The following TRIQK variants were observed in gnomAD, a reference collection of about 807,000 sequenced individuals.
TRIQK encodes triple QxxK/R motif-containing protein.
A neutral mutation model predicts 10.8 loss-of-function variants in TRIQK; 10 were observed. The ratio of observed to expected loss-of-function variants is 0.92; its 90% confidence interval spans 0.57 to 1.57. The LOEUF is 1.57. TRIQK is among the 40% of genes most tolerant of loss of function. TRIQK has a pLI of 0.00. For missense variants in TRIQK, 107 were observed against 97.7 expected, an observed-to-expected ratio of 1.09 and a Z score of -0.40; for synonymous variants, 33 against 33.7, an observed-to-expected ratio of 0.98 and a Z score of 0.07.
intron 1 of TRIQK, among the ~76,000 whole-genome samples, chr8:92,986,679 T>C (rs1813037055): frequency 6.6e-6 from 1 of 152,190 alleles, no homozygotes; most frequent in African/African-American, 2.4e-5. Context: ...CATTTAGTTC[T>C]ACTTTCTTAT....
intron 3 of TRIQK, among the ~76,000 whole-genome samples, chr8:92,911,148 G>T (rs1809546562): frequency 6.6e-6 from 1 of 151,230 alleles, no homozygotes; most frequent in Admixed American, 6.6e-5. Flanking sequence ...TGGAGCTTTT[G>T]AATGTTATTA....
intron 2 of TRIQK, among the ~76,000 whole-genome samples, chr8:92,946,237 T>G (rs749700073): frequency 5.3e-5 from 8 of 152,050 alleles, no homozygotes; most frequent in Admixed American, 2.0e-4. Flanking sequence ...ATGTTTAAAA[T>G]CAAACATCAC....
chr8:92,890,104 A>G (rs1201220647), intron 4 of TRIQK, among the ~76,000 whole-genome samples: 1 of 151,780 alleles, frequency 6.6e-6, no homozygotes, highest in East Asian at 1.9e-4. Flanking sequence ...GGGGAAATTA[A>G]AAAGCATTAA....
intron 4 of TRIQK, chr8:92,886,955 G>C (rs916184561): frequency 6.4e-6 from 2 of 314,402 alleles, no homozygotes; most frequent in East Asian, 5.5e-5. Flanking sequence ...TGAGTCATTA[G>C]TATTATTATT....
chr8:93,013,554 A>AT (rs1563457366), intron 1 of TRIQK, among the ~76,000 whole-genome samples: 1 of 152,188 alleles, frequency 6.6e-6, no homozygotes, highest in African/African-American at 2.4e-5. Context: ...TTCAGTAATG[A>AT]TTTTATTATG....
intron 3 of TRIQK, among the ~76,000 whole-genome samples, chr8:92,909,338 A>C (rs1165104508): frequency 6.6e-6 from 1 of 151,954 alleles, no homozygotes; most frequent in Non-Finnish European, 1.5e-5. Context: ...CATTTAATAA[A>C]TCGTGCAAAG....
At chr8:92,975,034 G>A (rs1563670979) in intron 1 of TRIQK, among the ~76,000 whole-genome samples, 1 of 152,144 alleles carries the variant, frequency 6.6e-6, no homozygotes, top group Non-Finnish European at 1.5e-5. Context: ...TTTCTGGCAG[G>A]CCTGGCTCTC....
At position 92,907,566 on chromosome 8, in the gene TRIQK, A is replaced by G. The variant is rs558654566; in HGVS notation, c.61+9363T>C. On this transcript the variant is annotated intron_variant, in intron 3 of 4. Coordinates refer to ENST00000521988, the MANE Select transcript of TRIQK (RefSeq NM_001171797.2). The stretch of plus-strand genomic sequence containing the variant: ...TTATTAAAAAGTAAACATTAATATA[A>G]AAGAATTTTCAAATTATTTCTGGAG... Among the ~76,000 whole-genome samples the G allele has an allele frequency of 4.5e-4, 69 of 152,346 alleles. 1 individual carries two copies. In the South Asian group the frequency reaches 0.014, roughly 31 times the overall value.
At chr8:92,948,531 T>C (rs938684056) in intron 2 of TRIQK, among the ~76,000 whole-genome samples, 9 of 152,226 alleles carry the variant, frequency 5.9e-5, no homozygotes, top group East Asian at 1.9e-4. Context: ...TATCATATCA[T>C]TGCAACAGGA....
intron 2 of TRIQK, among the ~76,000 whole-genome samples, chr8:92,942,411 CAT>C (rs1811313584): frequency 6.6e-6 from 1 of 152,098 alleles, no homozygotes; most frequent in Non-Finnish European, 1.5e-5. Context: ...CAATCAAGGC[CAT>C]ATGTGACAAA....
intron 2 of TRIQK, among the ~76,000 whole-genome samples, chr8:92,934,308 CAT>C (rs1563643949): frequency 6.6e-6 from 1 of 151,926 alleles, no homozygotes; most frequent in Non-Finnish European, 1.5e-5. Flanking sequence ...GTTTAAAAAA[CAT>C]AGAATACATA....
chr8:92,884,644 C>A lies in TRIQK; in HGVS notation c.*1978G>T. 3.1e-6 allele frequency: 1 copy of A among 320,616 alleles called. No individual in the cohort carries two copies. The highest frequency in any genetic ancestry group is 6.2e-6 in the Non-Finnish European group (1 of 160,996). 19.9% of individuals were successfully genotyped at this position (320,616 alleles called of 1,614,324 possible). Reference sequence around the variant, plus strand: ...AGGATAATGAATTTTCAAACATTTCCAAGACCATAACCAGCCATTTTAAGT... The same window carrying A: ...AGGATAATGAATTTTCAAACATTTCAAAGACCATAACCAGCCATTTTAAGT... On this transcript the variant is annotated 3_prime_UTR_variant, in exon 5 of 5. Transcript: ENST00000521988.
At chr8:92,905,296 A>G (rs1246165512) in intron 3 of TRIQK, among the ~76,000 whole-genome samples, 2 of 152,194 alleles carry the variant, frequency 1.3e-5, no homozygotes, top group African/African-American at 2.4e-5. Flanking sequence ...ATAAAACTCT[A>G]AAACATGATG....
At chr8:92,956,524 T>A (rs1306148847) in intron 1 of TRIQK, among the ~76,000 whole-genome samples, 1 of 151,826 alleles carries the variant, frequency 6.6e-6, no homozygotes, top group Non-Finnish European at 1.5e-5. Flanking sequence ...AATGATAAAC[T>A]TTATGATTGT....
At chr8:92,967,561 C>G (rs1812801723), upstream of TRIQK, among the ~76,000 whole-genome samples, 1 of 151,940 alleles carries the variant, frequency 6.6e-6, no homozygotes, top group African/African-American at 2.4e-5. Context: ...GTGGTTCATG[C>G]CTGTAATCCC....
intron 3 of TRIQK, among the ~76,000 whole-genome samples, chr8:92,893,599 G>GA (rs1391676129): frequency 6.6e-6 from 1 of 151,792 alleles, no homozygotes; most frequent in Non-Finnish European, 1.5e-5. Flanking sequence ...TAATTCTGAT[G>GA]AAAAAAATCT....
rs187405538 is a variant in TRIQK, at chr8:92,921,754, A to T, written c.-21-4744T>A. 296 of 152,054 alleles carry T rather than the reference A, an allele frequency of 1.9e-3. 2 individuals are homozygous for T. Among genetic ancestry groups the T allele is most frequent in the African/African-American group, 6.9e-3 (286 of 41,558 alleles). The allele number at this position is 152,054 out of a possible 1,614,324, so 9.4% of individuals were successfully genotyped here. On this transcript the variant is annotated intron_variant, in intron 2 of 4. Coordinates refer to ENST00000521988, the MANE Select transcript of TRIQK (RefSeq NM_001171797.2). ...TAGTTGTCATCACTGAAACTAAAAC[A>T]AACAAGTATAGATGTTTCCATATAA...
At chr8:93,017,207 G>A (rs529598192) in intron 1 of TRIQK, among the ~76,000 whole-genome samples, 2 of 150,166 alleles carry the variant, frequency 1.3e-5, no homozygotes, top group African/African-American at 4.9e-5. Flanking sequence ...GGAAGCTATT[G>A]CTCTGGGGAG....
intron 1 of TRIQK, among the ~76,000 whole-genome samples, chr8:92,959,931 A>G (rs1812367501): frequency 1.3e-5 from 2 of 152,112 alleles, no homozygotes; most frequent in African/African-American, 4.8e-5. Context: ...GTTTTCTGGC[A>G]TTTCATACTA....
Sources: gnomAD v4.1 joint callset for allele counts (sites outside exome capture counted in the v4.1 genomes callset) on GRCh38, gnomAD v4.1.1 for gene constraint, MANE v1.5 for transcripts, NCBI Gene and HGNC (gene_info 2026-07-23, HGNC 2026-07-21) for gene names.